The following ACYP2 variants were observed in gnomAD, a reference collection of about 807,000 sequenced individuals.
ACYP2 encodes the protein acylphosphatase-2.
In ACYP2, 12 loss-of-function variants were observed where a neutral mutation model predicts 11.2. That is an observed-to-expected ratio of 1.08 (90% confidence interval 0.69 to 1.74). The LOEUF (loss-of-function observed/expected upper bound fraction) is 1.74, where lower values mean the gene tolerates loss of function less well. Among genes scored for constraint, ACYP2 ranks in the 40% most tolerant of loss-of-function variants. The pLI, the probability that ACYP2 is intolerant of heterozygous loss-of-function variation, is 0.00. For synonymous variants in ACYP2, 43 were observed against 32.2 expected, an observed-to-expected ratio of 1.33 and a Z score of -1.13; for missense variants, 134 against 101.9, an observed-to-expected ratio of 1.31 and a Z score of -1.35.
chr2:54,120,525 A>T (rs952347541), intron 4 of ACYP2, among the ~76,000 whole-genome samples: 18 of 151,892 alleles, frequency 1.2e-4, no homozygotes, highest in African/African-American at 4.4e-4. Context: ...TTTTTTTTTG[A>T]CTGAGTTTTT....
At chr2:54,228,039 G>A (rs1451975073) in intron 6 of ACYP2, among the ~76,000 whole-genome samples, 1 of 152,230 alleles carries the variant, frequency 6.6e-6, no homozygotes, top group African/African-American at 2.4e-5. Context: ...AGAGAAGTAT[G>A]AACAGGTTCA....
intron 6 of ACYP2, among the ~76,000 whole-genome samples, chr2:54,278,702 G>A (rs201881447): frequency 6.6e-6 from 1 of 152,122 alleles, no homozygotes; most frequent in Non-Finnish European, 1.5e-5. Context: ...CTTTTGCTTA[G>A]TAGCCATAAA....
At chr2:54,114,849 C>T (rs1260607702) in intron 4 of ACYP2, among the ~76,000 whole-genome samples, 1 of 152,168 alleles carries the variant, frequency 6.6e-6, no homozygotes, top group African/African-American at 2.4e-5. Context: ...CGAGTTCAGG[C>T]TCAATTCCTT....
intron 2 of ACYP2, among the ~76,000 whole-genome samples, chr2:54,015,610 C>G (rs1235035771): frequency 1.3e-5 from 2 of 151,080 alleles, no homozygotes; most frequent in East Asian, 3.9e-4. Context: ...GATTGTGCCA[C>G]TGCACTCCAG....
chr2:54,064,382 G>A (rs1187504706), intron 4 of ACYP2, among the ~76,000 whole-genome samples: 1 of 152,202 alleles, frequency 6.6e-6, no homozygotes, highest in African/African-American at 2.4e-5. Context: ...CTTGGCAGGT[G>A]TGGCAGTGGC....
At chr2:54,220,877 T>C (rs1410326240) in intron 6 of ACYP2, among the ~76,000 whole-genome samples, 1 of 152,236 alleles carries the variant, frequency 6.6e-6, no homozygotes, top group Non-Finnish European at 1.5e-5. Flanking sequence ...AATGTAGATG[T>C]AGAAATAATT....
At chr2:54,153,112 G>A (rs936268018) in intron 6 of ACYP2, among the ~76,000 whole-genome samples, 2 of 152,058 alleles carry the variant, frequency 1.3e-5, no homozygotes. Context: ...CAGGTCTTGT[G>A]TTTAAGTCTT....
intron 5 of ACYP2, among the ~76,000 whole-genome samples, chr2:54,138,273 G>A (rs991503253): frequency 6.6e-6 from 1 of 152,102 alleles, no homozygotes; most frequent in Non-Finnish European, 1.5e-5. Flanking sequence ...GATTGATTAT[G>A]ATTTGGAACC....
chr2:54,164,967 T>C (rs1349851839), intron 6 of ACYP2, among the ~76,000 whole-genome samples: 1 of 152,226 alleles, frequency 6.6e-6, no homozygotes, highest in Non-Finnish European at 1.5e-5. Flanking sequence ...GATGTTTAGT[T>C]TTCTGTTCCT....
intron 6 of ACYP2, among the ~76,000 whole-genome samples, chr2:54,193,110 CTTGG>C (rs143724493): frequency 6.6e-6 from 1 of 152,322 alleles, no homozygotes; most frequent in Non-Finnish European, 1.5e-5. Flanking sequence ...TAATGCTACA[CTTGG>C]TTCAAGTTGA....
At position 54,210,583 on chromosome 2, in the gene ACYP2, T is replaced by C. The variant is rs1389451351; in HGVS notation, c.404+71835T>C. Among the ~76,000 whole-genome samples, 5 of 152,230 alleles carry C rather than the reference T, an allele frequency of 3.3e-5. No homozygotes were observed. The East Asian group carries it at 9.6e-4, about 29-fold the overall frequency. ...AGATGTTGCCACAAGTCTAGTTCTA[T>C]GGTTCATCTGTTTCTGTATTTGAAT... On this transcript the variant is annotated intron_variant, in intron 6 of 6. Transcript: ENST00000607452.
intron 4 of ACYP2, among the ~76,000 whole-genome samples, chr2:54,123,632 T>A (rs1266734957): frequency 6.6e-6 from 1 of 152,028 alleles, no homozygotes; most frequent in African/African-American, 2.4e-5. Context: ...CATTCCCCAC[T>A]TCTTCCTCCA....
intron 6 of ACYP2, chr2:54,256,050 C>T (rs774576415): frequency 1.9e-6 from 3 of 1,614,186 alleles, no homozygotes; most frequent in East Asian, 2.2e-5. Flanking sequence ...CTGCCATTAC[C>T]TCTGTCGCCT....
At chr2:54,242,748 A>G (rs1686785101) in intron 6 of ACYP2, among the ~76,000 whole-genome samples, 1 of 152,224 alleles carries the variant, frequency 6.6e-6, no homozygotes, top group Non-Finnish European at 1.5e-5. Flanking sequence ...GCGACAGCCT[A>G]GGTTTGTAGC....
chr2:54,016,438 C>G (rs998053560), intron 2 of ACYP2, among the ~76,000 whole-genome samples: 6 of 151,424 alleles, frequency 4.0e-5, no homozygotes, highest in Non-Finnish European at 2.9e-5. Flanking sequence ...TAAGGCCAAA[C>G]AGGGAGAAAC....
At chr2:53,974,261 G>C (rs1671352622) in intron 2 of ACYP2, among the ~76,000 whole-genome samples, 1 of 152,080 alleles carries the variant, frequency 6.6e-6, no homozygotes, top group Admixed American at 6.6e-5. Flanking sequence ...AGTGGAGAGA[G>C]AAGTTAAAGA....
intron 6 of ACYP2, among the ~76,000 whole-genome samples, chr2:54,144,546 C>T (rs1272659628): frequency 1.3e-5 from 2 of 151,806 alleles, no homozygotes; most frequent in Non-Finnish European, 2.9e-5. Context: ...TGGTGGTACA[C>T]ACCTGTAATC....
intron 6 of ACYP2, among the ~76,000 whole-genome samples, chr2:54,265,090 A>T (rs1400655853): frequency 6.6e-6 from 1 of 152,222 alleles, no homozygotes; most frequent in Non-Finnish European, 1.5e-5. Context: ...ATGTAGGAAA[A>T]TTTGTATAAT....
chr2:54,303,492 T>A (rs990476153), intron 6 of ACYP2, among the ~76,000 whole-genome samples: 1 of 152,240 alleles, frequency 6.6e-6, no homozygotes, highest in Non-Finnish European at 1.5e-5. Flanking sequence ...TCATAAGAAC[T>A]GAGTTTTTTC....
Sources: allele counts gnomAD v4.1 joint callset (sites outside exome capture counted in the v4.1 genomes callset), GRCh38; gene constraint gnomAD v4.1.1; transcripts MANE v1.5; gene names NCBI Gene and HGNC (gene_info 2026-07-23, HGNC 2026-07-21).